Variants in SLC71A2 observed in about 807,000 individuals in gnomAD.
The protein encoded by SLC71A2 is hippocampus abundant transcript-like 1.
chr9:94,429,909 A>ATT, the SLC71A2 span, among the ~76,000 whole-genome samples: 24,850 of 141,650 alleles, frequency 0.18, 2,354 homozygotes, highest in Middle Eastern at 0.25. Context: ...TCTTTATTTT[A>ATT]TTTTTTTTTT....
At chr9:94,452,320 G>C in the SLC71A2 span, among the ~76,000 whole-genome samples, 6 of 152,198 alleles carry the variant, frequency 3.9e-5, no homozygotes, top group African/African-American at 1.4e-4. Context: ...GTGAGGGCCA[G>C]ACACGGTGGC....
At chr9:94,443,137 A>G in the SLC71A2 span, among the ~76,000 whole-genome samples, 1 of 152,152 alleles carries the variant, frequency 6.6e-6, no homozygotes. Context: ...GAGAGTTCTA[A>G]CCAGAAGCGC....
At chr9:94,405,122 T>C in the SLC71A2 span, among the ~76,000 whole-genome samples, 1 of 152,202 alleles carries the variant, frequency 6.6e-6, no homozygotes, top group Non-Finnish European at 1.5e-5. Context: ...TAAATGGCCT[T>C]GGTACCCTTG....
chr9:94,439,324 T>C, the SLC71A2 span, among the ~76,000 whole-genome samples: 1 of 148,700 alleles, frequency 6.7e-6, no homozygotes, highest in East Asian at 2.0e-4. Context: ...TTTTTTTTTT[T>C]CTTTGTATAA....
the SLC71A2 span, among the ~76,000 whole-genome samples, chr9:94,455,835 G>A: frequency 1.3e-5 from 2 of 152,138 alleles, no homozygotes; most frequent in African/African-American, 4.8e-5. Context: ...TGTAGCTCGA[G>A]GGCAGTGTGA....
chr9:94,459,153 T>G, the SLC71A2 span: 1 of 1,610,998 alleles, frequency 6.2e-7, no homozygotes, highest in Non-Finnish European at 8.5e-7. Context: ...GTTTTCCACG[T>G]TCAACAGGGA....
At chr9:94,415,284 G>T in the SLC71A2 span, 2 of 1,488,242 alleles carry the variant, frequency 1.3e-6, no homozygotes, top group South Asian at 1.1e-5. Context: ...TTTGTGTTTT[G>T]TAAGAGAAAG....
the SLC71A2 span, among the ~76,000 whole-genome samples, chr9:94,447,183 CT>C: frequency 0.024 from 3,423 of 145,280 alleles, 105 homozygotes; most frequent in African/African-American, 0.076. Context: ...CATAATTTAT[CT>C]TTTTTTTTTT....
chr9:94,440,413 A>C, the SLC71A2 span, among the ~76,000 whole-genome samples: 2 of 152,012 alleles, frequency 1.3e-5, no homozygotes, highest in Admixed American at 1.3e-4. Flanking sequence ...TTTTCTCTTT[A>C]GAGCTACTAA....
the SLC71A2 span, among the ~76,000 whole-genome samples, chr9:94,413,659 C>CAA: frequency 0.092 from 9,405 of 101,776 alleles, 705 homozygotes; most frequent in Middle Eastern, 0.12. Flanking sequence ...GACTTCATCT[C>CAA]AAAAAAAAAA....
chr9:94,447,220 A>G, the SLC71A2 span, among the ~76,000 whole-genome samples: 4 of 151,010 alleles, frequency 2.6e-5, no homozygotes, highest in African/African-American at 4.9e-5. Flanking sequence ...GCTCTTGTCC[A>G]CCAGGCTGGA....
At chr9:94,396,927 C>T in the SLC71A2 span, among the ~76,000 whole-genome samples, 1 of 152,152 alleles carries the variant, frequency 6.6e-6, no homozygotes, top group East Asian at 1.9e-4. Context: ...TGCGCCGCCA[C>T]ACCCAGCTAA....
At chr9:94,387,642 T>G in the SLC71A2 span, among the ~76,000 whole-genome samples, 2 of 152,224 alleles carry the variant, frequency 1.3e-5, no homozygotes, top group Non-Finnish European at 2.9e-5. Context: ...TTTCTTCATC[T>G]CTGTTCTCAA....
the SLC71A2 span, chr9:94,459,274 CAGT>C: frequency 6.2e-7 from 1 of 1,614,136 alleles, no homozygotes; most frequent in Non-Finnish European, 8.5e-7. Context: ...TTCAAAAACA[CAGT>C]AACAGCAGCA....
the SLC71A2 span, among the ~76,000 whole-genome samples, chr9:94,399,724 G>T: frequency 1.3e-5 from 2 of 151,954 alleles, no homozygotes; most frequent in African/African-American, 4.8e-5. Flanking sequence ...TTAAGTTACA[G>T]AAATGCCAGG....
At chr9:94,374,899 C>G in the SLC71A2 span, 3 of 1,262,688 alleles carry the variant, frequency 2.4e-6, no homozygotes, top group Non-Finnish European at 3.0e-6. Context: ...GAGAAGCGCG[C>G]GGGCGCGCAG....
At chr9:94,411,871 G>A in the SLC71A2 span, among the ~76,000 whole-genome samples, 1 of 152,188 alleles carries the variant, frequency 6.6e-6, no homozygotes, top group Non-Finnish European at 1.5e-5. Context: ...GATTATAGGT[G>A]TGAGCCACTT....
the SLC71A2 span, among the ~76,000 whole-genome samples, chr9:94,380,383 T>C: frequency 6.8e-6 from 1 of 146,130 alleles, no homozygotes; most frequent in African/African-American, 2.6e-5. Context: ...TTATGAAATC[T>C]TAGATATGCT....
the SLC71A2 span, among the ~76,000 whole-genome samples, chr9:94,445,825 C>T: frequency 6.6e-6 from 1 of 152,170 alleles, no homozygotes; most frequent in South Asian, 2.1e-4. Context: ...TGCTTTTCGT[C>T]CCCCAAGTTT....
Sources: allele counts gnomAD v4.1 joint callset (sites outside exome capture counted in the v4.1 genomes callset), GRCh38; gene constraint gnomAD v4.1.1; transcripts MANE v1.5; gene names NCBI Gene and HGNC (gene_info 2026-07-23, HGNC 2026-07-21).